Variants in SLC8A1 observed in about 807,000 individuals in gnomAD.
The protein encoded by SLC8A1 is sodium/calcium exchanger 1.
In SLC8A1, 18 loss-of-function variants were observed where a neutral mutation model predicts 68.3. The ratio of observed to expected loss-of-function variants is 0.26; its 90% CI spans 0.18 to 0.39. The LOEUF is 0.39. Ranked by LOEUF, SLC8A1 falls within the 10% of genes least tolerant of loss-of-function variation. The pLI is 1.00. For synonymous variants in SLC8A1, 475 were observed against 415.5 expected (o/e 1.14, Z -1.74); for missense variants, 985 against 1,156.7 (o/e 0.85, Z 2.15).
intron 2 of SLC8A1, among the ~76,000 whole-genome samples, chr2:40,278,638 T>C (rs750510628): frequency 3.3e-5 from 5 of 152,176 alleles, no homozygotes; most frequent in Non-Finnish European, 7.3e-5. Context: ...AGAGAGTAAG[T>C]GCTGGAGGCT....
intron 2 of SLC8A1, among the ~76,000 whole-genome samples, chr2:40,202,428 T>C (rs527601610): frequency 6.6e-6 from 1 of 152,136 alleles, no homozygotes; most frequent in East Asian, 1.9e-4. Flanking sequence ...CTGACTTGTA[T>C]GGTGATTATG....
chr2:40,261,782 A>G (rs1422156916), intron 2 of SLC8A1, among the ~76,000 whole-genome samples: 1 of 152,160 alleles, frequency 6.6e-6, no homozygotes, highest in Non-Finnish European at 1.5e-5. Context: ...AAGTGTGAAC[A>G]TTTTCCTTCG....
At chr2:40,183,251 G>T (rs367567584) in intron 2 of SLC8A1, among the ~76,000 whole-genome samples, 4 of 152,118 alleles carry the variant, frequency 2.6e-5, no homozygotes, top group African/African-American at 9.7e-5. Flanking sequence ...TAGCCACTAG[G>T]TCCCTTATTC....
At chr2:40,506,002 C>T (rs1052927523) in intron 1 of SLC8A1, among the ~76,000 whole-genome samples, 6 of 151,864 alleles carry the variant, frequency 4.0e-5, no homozygotes, top group South Asian at 2.1e-4. Context: ...AACAAGCTTG[C>T]GCTCAGATTA....
At position 40,133,402 on chromosome 2, in the gene SLC8A1, G is replaced by A. The variant is rs989729886; in HGVS notation, c.2437+5999C>T. Among the ~76,000 whole-genome samples, 15 of 141,250 alleles carry A rather than the reference G, an allele frequency of 1.1e-4. 1 individual carries two copies. In the South Asian group the frequency reaches 3.2e-3, roughly 30 times the overall value. The allele number at this position is 141,250 out of a possible 152,430, so 92.7% of individuals were successfully genotyped here. On this transcript the variant is annotated intron_variant, in intron 7 of 7. Transcript: ENST00000406785. ...TCTATATACAAAATTGGGGGGGGGG[G>A]GGGTGGAAACCAAAACCATCTATTT...
At chr2:40,258,175 A>G (rs1176302363) in intron 2 of SLC8A1, among the ~76,000 whole-genome samples, 4 of 152,174 alleles carry the variant, frequency 2.6e-5, no homozygotes, top group African/African-American at 2.4e-5. Flanking sequence ...ATTTTGTTCA[A>G]ATTACAACCC....
chr2:40,139,679 A>G lies in SLC8A1; in HGVS notation c.2162-3T>C. ...TTCATCGTCGTCATCATCTTCCCCT[A>G]GAGAGAATGGAAGGAAGCACATTTC... On this transcript the variant is annotated splice_region_variant and splice_polypyrimidine_tract_variant and intron_variant, in intron 6 of 7. Transcript: ENST00000406785. 1 of 1,612,148 alleles carries G rather than the reference A, an allele frequency of 6.2e-7. No homozygotes were observed. The highest frequency in any genetic ancestry group is 2.2e-5 in the East Asian group (1 of 44,850).
chr2:40,200,760 AT>A (rs779603932), intron 2 of SLC8A1, among the ~76,000 whole-genome samples: 1 of 151,646 alleles, frequency 6.6e-6, no homozygotes, highest in East Asian at 1.9e-4. Flanking sequence ...AGAAGAAGGA[AT>A]TTTTTTCTTT....
intron 2 of SLC8A1, among the ~76,000 whole-genome samples, chr2:40,369,024 C>T (rs1314169786): frequency 6.6e-6 from 1 of 151,702 alleles, no homozygotes; most frequent in Non-Finnish European, 1.5e-5. Flanking sequence ...TTTCACCATA[C>T]AAAGAAACTA....
intron 1 of SLC8A1, among the ~76,000 whole-genome samples, chr2:40,494,652 T>G (rs1196810638): frequency 2.5e-5 from 1 of 39,698 alleles, no homozygotes; most frequent in East Asian, 8.7e-4. Context: ...TATATATATA[T>G]ATATATATAT....
Position 40,322,917 on chromosome 2 carries a change from A to T in SLC8A1, c.1808+105556T>A, listed in dbSNP as rs184056795. 3.9e-5 allele frequency among the ~76,000 whole-genome samples: 6 copies of T among 152,106 alleles called. No individual in the cohort carries two copies. The East Asian group carries it at 1.2e-3, about 29-fold the overall frequency. ...GCAACTCTCTCTGGTAGGTTTTATAATTCATATTTAAAGATAAATAGAGAC... is the reference window on the plus strand; with the variant it reads ...GCAACTCTCTCTGGTAGGTTTTATATTTCATATTTAAAGATAAATAGAGAC... On this transcript the variant is annotated intron_variant, in intron 2 of 7. Transcript: ENST00000406785.
At chr2:40,271,103 C>T (rs1559042907) in intron 2 of SLC8A1, among the ~76,000 whole-genome samples, 1 of 152,164 alleles carries the variant, frequency 6.6e-6, no homozygotes, top group Non-Finnish European at 1.5e-5. Context: ...AAAACACAAT[C>T]ACAGTATGCC....
At chr2:40,416,354 C>G (rs1254922747) in intron 2 of SLC8A1, among the ~76,000 whole-genome samples, 1 of 152,110 alleles carries the variant, frequency 6.6e-6, no homozygotes, top group African/African-American at 2.4e-5. Flanking sequence ...TATCAAGACT[C>G]ACTAAGAAAC....
chr2:40,100,351 C>T (rs1329264162), exon 8 of SLC8A1: 1 of 152,002 alleles, frequency 6.6e-6, no homozygotes, highest in Admixed American at 6.6e-5. Flanking sequence ...GTAATTTAGC[C>T]TTGAGCTTAA....
chr2:40,177,861 G>A (rs559661670), intron 2 of SLC8A1: 2 of 1,534,284 alleles, frequency 1.3e-6, no homozygotes, highest in South Asian at 1.2e-5. Flanking sequence ...TCTTCCTGTG[G>A]GAACACAAGA....
intron 2 of SLC8A1, among the ~76,000 whole-genome samples, chr2:40,311,923 C>G (rs1310098472): frequency 6.6e-6 from 1 of 152,004 alleles, no homozygotes; most frequent in Non-Finnish European, 1.5e-5. Flanking sequence ...AAATATAAAC[C>G]AGTACAAAGA....
intron 6 of SLC8A1, among the ~76,000 whole-genome samples, chr2:40,152,989 G>C (rs1026063408): frequency 3.3e-5 from 5 of 152,044 alleles, no homozygotes; most frequent in Non-Finnish European, 7.4e-5. Context: ...AAAAATAGAA[G>C]AGAGACTATA....
chr2:40,441,764 ACT>A (rs916521943), intron 1 of SLC8A1, among the ~76,000 whole-genome samples: 4 of 152,102 alleles, frequency 2.6e-5, no homozygotes, highest in Admixed American at 6.5e-5. Context: ...ACAAAAATTA[ACT>A]CAAGATGGAC....
chr2:40,201,184 G>A (rs773246836), intron 2 of SLC8A1, among the ~76,000 whole-genome samples: 9 of 151,394 alleles, frequency 5.9e-5, no homozygotes, highest in Admixed American at 1.3e-4. Flanking sequence ...GGTTATGTAA[G>A]ATAAATGCCA....
Sources: allele counts gnomAD v4.1 joint callset (sites outside exome capture counted in the v4.1 genomes callset), GRCh38; gene constraint gnomAD v4.1.1; transcripts MANE v1.5; gene names NCBI Gene and HGNC (gene_info 2026-07-23, HGNC 2026-07-21).